Variants in RHOH observed in about 807,000 individuals in gnomAD.
RHOH encodes rho-related GTP-binding protein RhoH.
RHOH carries 6 observed loss-of-function variants against 13.8 expected under a neutral mutation model. The ratio of observed to expected loss-of-function variants is 0.44; its 90% CI spans 0.24 to 0.86. The LOEUF is 0.86. Among genes scored for constraint, RHOH ranks in the 40% least tolerant of loss-of-function variants. The pLI, the probability that RHOH is intolerant of heterozygous loss-of-function variation, is 0.24. For missense variants in RHOH, 147 were observed against 244.5 expected (o/e 0.60, Z 2.66); for synonymous variants, 117 against 103.0 (o/e 1.14, Z -0.82).
At chr4:40,229,686 A>AT (rs1194923007) in intron 1 of RHOH, among the ~76,000 whole-genome samples, 3 of 151,958 alleles carry the variant, frequency 2.0e-5, no homozygotes, top group Non-Finnish European at 4.4e-5. Context: ...ACGCTTTAAA[A>AT]CTTTTAACAC....
At chr4:40,229,696 C>T (rs953613339) in intron 1 of RHOH, among the ~76,000 whole-genome samples, 73 of 150,130 alleles carry the variant, frequency 4.9e-4, no homozygotes, top group African/African-American at 1.7e-3. Context: ...ACTTTTAACA[C>T]GAAAAGTTTT....
At position 40,243,369 on chromosome 4, in the gene RHOH, G is replaced by A; in HGVS notation, c.-18G>A. The A allele has an allele frequency of 6.4e-7, 1 of 1,562,528 alleles. No individual in the cohort carries two copies. The highest frequency in any genetic ancestry group is 8.7e-7 in the Non-Finnish European group (1 of 1,152,636). The stretch of plus-strand genomic sequence containing the variant: ...CCCTGGGATTCTGGACTTCAGAGTA[G>A]GACAGCAGGCTGGGAAGATGCTGAG... On this transcript the variant is annotated 5_prime_UTR_variant, in exon 3 of 3. Transcript: ENST00000381799. This position sits in a 1 kb window ranked among gnomAD's most constrained non-coding sequence, Gnocchi z 6.2.
At chr4:40,223,150 AT>A (rs144375820) in intron 1 of RHOH, among the ~76,000 whole-genome samples, 4,125 of 152,344 alleles carry the variant, frequency 0.027, 90 homozygotes, top group Middle Eastern at 0.048. Flanking sequence ...TCTGGTGAAT[AT>A]ACTGTGAAAA....
intron 1 of RHOH, among the ~76,000 whole-genome samples, chr4:40,230,677 A>C (rs1727824804): frequency 6.6e-6 from 1 of 152,014 alleles, no homozygotes; most frequent in Admixed American, 6.6e-5. Context: ...GGACTTTTAA[A>C]ACTCTTATGA....
chr4:40,207,078 G>C (rs557786271), intron 1 of RHOH, among the ~76,000 whole-genome samples: 5 of 151,962 alleles, frequency 3.3e-5, no homozygotes, highest in Non-Finnish European at 7.4e-5. Flanking sequence ...ATGGTGGCAG[G>C]CACCTTTAAT....
intron 1 of RHOH, among the ~76,000 whole-genome samples, chr4:40,237,988 G>A (rs1430219944): frequency 3.9e-5 from 6 of 152,128 alleles, no homozygotes; most frequent in Non-Finnish European, 7.4e-5. Flanking sequence ...AATGTACAAA[G>A]TATTGTAAAA....
intron 1 of RHOH, among the ~76,000 whole-genome samples, chr4:40,213,437 T>C (rs146031343): frequency 6.6e-6 from 1 of 151,366 alleles, no homozygotes; most frequent in Non-Finnish European, 1.5e-5. Flanking sequence ...TCATGGGAAA[T>C]GGAACACGGA....
upstream of RHOH, chr4:40,193,174 G>C (rs568520063): frequency 6.6e-6 from 1 of 152,610 alleles, no homozygotes; most frequent in Non-Finnish European, 1.5e-5. Context: ...CCTTGGGAGG[G>C]CACCTCACTG....
intron 1 of RHOH, among the ~76,000 whole-genome samples, chr4:40,197,799 A>C (rs535637635): frequency 6.6e-6 from 1 of 152,246 alleles, no homozygotes; most frequent in Admixed American, 6.5e-5. Flanking sequence ...AAAGTGCTCT[A>C]TGATGTATAA....
chr4:40,238,045 C>T lies in RHOH; in HGVS notation c.-330-4669C>T, dbSNP rs950834314. The stretch of plus-strand genomic sequence containing the variant: ...GTATTGTTATCATTTCCACCTGATC[C>T]GTATGAGCTCACAGTGAAGAGGGCA... On this transcript the variant is annotated intron_variant, in intron 1 of 2. Coordinates refer to ENST00000381799, the MANE Select transcript of RHOH (RefSeq NM_004310.5). Among the ~76,000 whole-genome samples the T allele has an allele frequency of 1.1e-4, 17 of 149,510 alleles. No individual in the cohort carries two copies. The South Asian group carries it at 2.6e-3, about 23-fold the overall frequency.
chr4:40,229,782 A>G (rs1289356194), intron 1 of RHOH, among the ~76,000 whole-genome samples: 2 of 152,184 alleles, frequency 1.3e-5, no homozygotes, highest in Non-Finnish European at 2.9e-5. Flanking sequence ...AGTTCTTAAC[A>G]CTTTTCCAAT....
At chr4:40,208,104 A>G (rs992415118) in intron 1 of RHOH, among the ~76,000 whole-genome samples, 1 of 151,770 alleles carries the variant, frequency 6.6e-6, no homozygotes, top group Admixed American at 6.6e-5. Flanking sequence ...AAAAAGTTAT[A>G]TTATCTTCCA....
intron 1 of RHOH, among the ~76,000 whole-genome samples, chr4:40,219,408 C>A (rs1726272531): frequency 1.0e-5 from 1 of 100,422 alleles, no homozygotes; most frequent in Non-Finnish European, 2.2e-5. Context: ...GAGACTCCAT[C>A]TCAAAAAAAA....
At position 40,244,028 on chromosome 4, in the gene RHOH, G is replaced by A. The variant is rs1472776047; in HGVS notation, c.*66G>A. 1.5e-5 allele frequency: 20 copies of A among 1,341,724 alleles called. No homozygotes were observed. The highest frequency in any genetic ancestry group is 1.0e-4 in the African/African-American group (7 of 67,882). The allele number at this position is 1,341,724 out of a possible 1,614,324, so 83.1% of individuals were successfully genotyped here. A position where few individuals can be genotyped will look rare whatever the true frequency, so the allele number is the denominator to read the frequency against. Reference sequence around the variant, plus strand: ...AAGACTAATGGGGAGAGGGAGGGCCGGGAAGCCAGGAAAGCTTGGTGTTTT... The same window carrying A: ...AAGACTAATGGGGAGAGGGAGGGCCAGGAAGCCAGGAAAGCTTGGTGTTTT... On this transcript the variant is annotated 3_prime_UTR_variant, in exon 3 of 3. Coordinates refer to ENST00000381799, the MANE Select transcript of RHOH (RefSeq NM_004310.5).
At chr4:40,201,156 A>G (rs2109357587) in intron 1 of RHOH, among the ~76,000 whole-genome samples, 1 of 152,334 alleles carries the variant, frequency 6.6e-6, no homozygotes, top group East Asian at 1.9e-4. Context: ...AATCATTTGT[A>G]TACATGACCT....
chr4:40,230,546 G>C (rs1346984915), intron 1 of RHOH, among the ~76,000 whole-genome samples: 1 of 150,450 alleles, frequency 6.6e-6, no homozygotes, highest in Non-Finnish European at 1.5e-5. Flanking sequence ...CCATGTTGCG[G>C]CTAGTTCAAG....
intron 1 of RHOH, among the ~76,000 whole-genome samples, chr4:40,230,304 G>GC (rs35567038): frequency 0.77 from 116,599 of 151,716 alleles, 45,045 homozygotes; most frequent in Admixed American, 0.81. Context: ...CTCCCAGAGT[G>GC]TGTGAATACA....
chr4:40,241,128 G>A (rs1316686049), intron 1 of RHOH, among the ~76,000 whole-genome samples: 6 of 152,166 alleles, frequency 3.9e-5, no homozygotes, highest in Non-Finnish European at 5.9e-5. Flanking sequence ...AAGTTTAACG[G>A]AAGCCTATGG....
At chr4:40,193,437 C>T (rs1722811094), upstream of RHOH, among the ~76,000 whole-genome samples, 1 of 142,850 alleles carries the variant, frequency 7.0e-6, no homozygotes, top group African/African-American at 2.6e-5. Context: ...CCTCCCCTCA[C>T]CACTACCCCT....
Sources: allele counts gnomAD v4.1 joint callset (sites outside exome capture counted in the v4.1 genomes callset), GRCh38; gene constraint gnomAD v4.1.1; non-coding constraint Gnocchi (gnomAD v3.1); transcripts MANE v1.5; gene names NCBI Gene and HGNC (gene_info 2026-07-23, HGNC 2026-07-21).